The following COLQ variants were observed in gnomAD, a reference collection of about 807,000 sequenced individuals.
COLQ encodes collagen like tail subunit of asymmetric acetylcholinesterase, also known as acetylcholinesterase collagenic tail peptide.
In COLQ, 48 loss-of-function variants were observed where a neutral mutation model predicts 69.0. That is an observed-to-expected ratio of 0.70 (90% confidence interval 0.55 to 0.88). The LOEUF (loss-of-function observed/expected upper bound fraction) is 0.88. Among genes scored for constraint, COLQ ranks in the 40% least tolerant of loss-of-function variants. The pLI, the probability that COLQ is intolerant of heterozygous loss-of-function variation, is 0.00. For missense variants in COLQ, 618 were observed against 594.6 expected (o/e 1.04, Z -0.41); for synonymous variants, 217 against 211.2 (o/e 1.03, Z -0.24).
intron 1 of COLQ, among the ~76,000 whole-genome samples, chr3:15,518,561 C>A (rs1418279849): frequency 6.6e-6 from 1 of 152,224 alleles, no homozygotes; most frequent in African/African-American, 2.4e-5. Context: ...TGGTTCTCCT[C>A]TGGGACCCAG....
chr3:15,463,670 A>T (rs1166725272), intron 12 of COLQ, among the ~76,000 whole-genome samples: 1 of 152,030 alleles, frequency 6.6e-6, no homozygotes, highest in Non-Finnish European at 1.5e-5. Flanking sequence ...GTGAGCCCCT[A>T]GGTACCCCAG....
chr3:15,470,489 T>C, intron 11 of COLQ, 47 bp downstream of exon 11: 1 of 1,561,696 alleles, frequency 6.4e-7, no homozygotes, highest in Non-Finnish European at 8.8e-7. Context: ...CACTGCCAGG[T>C]CAGGAAGTTC....
At chr3:15,455,097 C>A (rs1034275787) in intron 15 of COLQ, among the ~76,000 whole-genome samples, 1 of 152,168 alleles carries the variant, frequency 6.6e-6, no homozygotes, top group Admixed American at 6.5e-5. Flanking sequence ...GTGGTTGAAC[C>A]CTTACTATAT....
chr3:15,498,914 G>A, intron 1 of COLQ: 1 of 1,263,284 alleles, frequency 7.9e-7, no homozygotes, highest in South Asian at 1.7e-5. Flanking sequence ...TGCAAGCCAA[G>A]AGGAAATTGA....
intron 3 of COLQ, among the ~76,000 whole-genome samples, chr3:15,483,644 G>A (rs532952860): frequency 2.6e-5 from 4 of 152,276 alleles, no homozygotes; most frequent in African/African-American, 7.2e-5. Flanking sequence ...TATGTGGTCA[G>A]TTTTGGAATA....
Position 15,488,190 on chromosome 3 carries a change from G to T in COLQ, c.321+16C>A. On this transcript the variant is annotated intron_variant, in intron 3 of 16. Transcript: ENST00000383788. ...AAACAGAAGACAGCGAGAGGGGTCC[G>T]GTAGAGTGCACCAACCTGGGGGCCG... 6.3e-7 allele frequency: 1 copy of T among 1,594,680 alleles called. No individual in the cohort carries two copies. Among genetic ancestry groups the T allele is most frequent in the Non-Finnish European group, 8.6e-7 (1 of 1,165,368 alleles).
chr3:15,489,576 A>G lies in COLQ; in HGVS notation c.168T>C (p.Pro56=), dbSNP rs1575483827. ...GGHKACCLLT[P]PPPPLFPPPF... ...GTGGTGGGAACAGTGGTGGTGGAGG[A>G]GGCGTCAGCAGGCAGCATGCTTTGT... The change falls in exon 2 of 17, where the codon CCT becomes CCC. Residue 56 remains proline (P), a synonymous_variant. Transcript: ENST00000383788. 1.2e-6 allele frequency: 2 copies of G among 1,614,152 alleles called. No individual in the cohort carries two copies. Among genetic ancestry groups the G allele is most frequent in the African/African-American group, 1.3e-5 (1 of 75,026 alleles).
intron 1 of COLQ, among the ~76,000 whole-genome samples, chr3:15,495,009 A>G (rs1179465784): frequency 6.6e-6 from 1 of 152,190 alleles, no homozygotes; most frequent in African/African-American, 2.4e-5. Flanking sequence ...TAACTGAGGC[A>G]AAGAGGTTAA....
chr3:15,470,733 T>A (rs1385761719), intron 10 of COLQ, 117 bp from the exon 11 acceptor site: 1 of 969,002 alleles, frequency 1.0e-6, no homozygotes, highest in Non-Finnish European at 1.7e-6. Flanking sequence ...TCCGAATCTA[T>A]GCCAACTGGG....
At chr3:15,506,574 A>G (rs1273893523) in intron 1 of COLQ, 3 of 152,288 alleles carry the variant, frequency 2.0e-5, no homozygotes, top group East Asian at 3.9e-4. Flanking sequence ...GTAATATTCT[A>G]TTATACATAT....
rs80287256 is a variant in COLQ, at chr3:15,454,614, C to T, written c.1196-683G>A. Among the ~76,000 whole-genome samples the T allele has an allele frequency of 1.9e-3, 290 of 151,364 alleles. 1 individual carries two copies. In the East Asian group the frequency reaches 0.033, roughly 17 times the overall value. On this transcript the variant is annotated intron_variant, in intron 15 of 16. Transcript: ENST00000383788. The stretch of plus-strand genomic sequence containing the variant: ...CACTGAGACAGTCAGCAGCATCTCC[C>T]GCCACCCACTCTGCCCTGTCATCCT...
At position 15,489,657 on chromosome 3, in the gene COLQ, G is replaced by C. The variant is rs757966613; in HGVS notation, c.107-20C>G. 7 of 1,608,430 alleles carry C rather than the reference G, an allele frequency of 4.4e-6. No individual in the cohort carries two copies. The Admixed American group carries it at 8.4e-5, about 19-fold the overall frequency. ...GAAGGGCTGTTCAGAGAAAACTGCC[G>C]CTCGTTAGCATGTGGTCAGTGCTGG... On this transcript the variant is annotated intron_variant, in intron 1 of 16. Transcript: ENST00000383788.
rs114071457 is a variant in COLQ, at chr3:15,519,208, T to G, written c.106+2312A>C. 7.7e-3 allele frequency among the ~76,000 whole-genome samples: 1,179 copies of G among 152,288 alleles called. 14 individuals are homozygous for G. The highest frequency in any genetic ancestry group is 0.027 in the African/African-American group (1,109 of 41,544). ...TTCCATTGTTTTCCCTAATGTCTAA[T>G]GACCACATTCCCAGCCAGAAGTGCC... On this transcript the variant is annotated intron_variant, in intron 1 of 16. Transcript: ENST00000383788.
intron 10 of COLQ, among the ~76,000 whole-genome samples, chr3:15,471,227 G>A (rs950698192): frequency 6.6e-6 from 1 of 152,152 alleles, no homozygotes; most frequent in South Asian, 2.1e-4. Context: ...TTGTGGGAGA[G>A]ATGTTCCAAA....
At chr3:15,496,562 G>A (rs146993149) in intron 1 of COLQ, among the ~76,000 whole-genome samples, 3 of 152,340 alleles carry the variant, frequency 2.0e-5, no homozygotes, top group Admixed American at 6.5e-5. Context: ...AATCCTGTGC[G>A]TATCTCCGTG....
At chr3:15,489,708 G>C in intron 1 of COLQ, 71 bp from the exon 2 acceptor site, 1 of 1,381,548 alleles carries the variant, frequency 7.2e-7, no homozygotes, top group Middle Eastern at 2.3e-4. Context: ...ACCGTGCCCA[G>C]GGAAGACCCA....
At chr3:15,510,037 G>A (rs149711346) in intron 1 of COLQ, among the ~76,000 whole-genome samples, 14,626 of 152,084 alleles carry the variant, frequency 0.096, 934 homozygotes, top group East Asian at 0.33. Context: ...TTAGCCAGGC[G>A]TGGTGGCGGG....
chr3:15,500,783 C>T (rs6777812), intron 1 of COLQ, among the ~76,000 whole-genome samples: 40,696 of 152,092 alleles, frequency 0.27, 6,006 homozygotes, highest in African/African-American at 0.4. Context: ...TAATTTAAGT[C>T]AAATTTCTGG....
intron 1 of COLQ, among the ~76,000 whole-genome samples, chr3:15,518,567 C>T (rs1158937790): frequency 1.3e-5 from 2 of 152,176 alleles, no homozygotes; most frequent in African/African-American, 4.8e-5. Flanking sequence ...TCCTCTGGGA[C>T]CCAGCAGAGG....
Sources: gnomAD v4.1 joint callset for allele counts (sites outside exome capture counted in the v4.1 genomes callset) on GRCh38, gnomAD v4.1.1 for gene constraint, MANE v1.5 for transcripts, NCBI Gene and HGNC (gene_info 2026-07-23, HGNC 2026-07-21) for gene names.